Variants in GPC5 observed in about 807,000 individuals in gnomAD.
GPC5 encodes glypican-5.
A neutral mutation model predicts 53.9 loss-of-function variants in GPC5; 47 were observed. The observed-to-expected ratio is 0.87, with a 90% CI of 0.69 to 1.11. The LOEUF (loss-of-function observed/expected upper bound fraction) is 1.11. Ranked by LOEUF, GPC5 falls within the 50% of genes most tolerant of loss-of-function variation. GPC5 has a pLI of 0.00. For missense variants in GPC5, 748 were observed against 713.1 expected (o/e 1.05, Z -0.56); for synonymous variants, 286 against 263.3 (o/e 1.09, Z -0.84).
At chr13:92,487,395 C>A (rs1879594629) in intron 7 of GPC5, among the ~76,000 whole-genome samples, 1 of 152,108 alleles carries the variant, frequency 6.6e-6, no homozygotes, top group Non-Finnish European at 1.5e-5. Flanking sequence ...AACCAGGAGA[C>A]TATTGCTGTT....
intron 2 of GPC5, among the ~76,000 whole-genome samples, chr13:91,483,962 C>T (rs1294379985): frequency 6.6e-6 from 1 of 152,134 alleles, no homozygotes; most frequent in East Asian, 1.9e-4. Context: ...CCTGAACTTT[C>T]AATTTATCAT....
chr13:92,755,750 G>A (rs1248316204), intron 7 of GPC5, among the ~76,000 whole-genome samples: 3 of 133,934 alleles, frequency 2.2e-5, no homozygotes, highest in Admixed American at 7.9e-5. Context: ...TAAATTCCTC[G>A]ACACATACAC....
chr13:92,694,836 T>G (rs1457562703), intron 7 of GPC5, among the ~76,000 whole-genome samples: 2 of 152,176 alleles, frequency 1.3e-5, no homozygotes, highest in East Asian at 3.9e-4. Flanking sequence ...GGCAGAATGA[T>G]ATGGTTTGGC....
At chr13:91,809,379 G>GT (rs1566276179) in intron 5 of GPC5, among the ~76,000 whole-genome samples, 1 of 152,212 alleles carries the variant, frequency 6.6e-6, no homozygotes, top group Admixed American at 6.5e-5. Context: ...ATGATGAATA[G>GT]TTTTTTCTGA....
At chr13:92,231,995 A>T (rs768043558) in intron 7 of GPC5, among the ~76,000 whole-genome samples, 1 of 152,012 alleles carries the variant, frequency 6.6e-6, no homozygotes, top group Non-Finnish European at 1.5e-5. Flanking sequence ...AAACAAAAAC[A>T]TGGAAATTCC....
At chr13:92,643,877 TA>T (rs35575482) in intron 7 of GPC5, among the ~76,000 whole-genome samples, 1 of 131,022 alleles carries the variant, frequency 7.6e-6, no homozygotes, top group African/African-American at 2.5e-5. Context: ...TAAAGTATAA[TA>T]AAAAAAGAAC....
At position 91,693,633 on chromosome 13, in the gene GPC5, T is replaced by G; in HGVS notation, c.772T>G (p.Cys258Gly). 2 of 1,614,122 alleles carry G rather than the reference T, an allele frequency of 1.2e-6. No individual in the cohort carries two copies. Among genetic ancestry groups the G allele is most frequent in the Non-Finnish European group, 1.7e-6 (2 of 1,179,986 alleles). ...CSRALLKMQY[C>G]PHCQGLALTK... ...CAGAGCCCTCCTGAAGATGCAATAC[T>G]GCCCGCACTGCCAAGGCCTGGCGCT... The change falls in exon 3 of 8, where the codon TGC becomes GGC. Residue 258 changes from cysteine to glycine, a missense_variant. Transcript: ENST00000377067.
intron 7 of GPC5, among the ~76,000 whole-genome samples, chr13:92,616,931 A>T (rs568689784): frequency 6.6e-6 from 1 of 152,340 alleles, no homozygotes; most frequent in Non-Finnish European, 1.5e-5. Context: ...TCATAAAAAT[A>T]AGGAAAAAAT....
At chr13:91,771,915 C>G (rs1384351634) in intron 5 of GPC5, among the ~76,000 whole-genome samples, 1 of 152,116 alleles carries the variant, frequency 6.6e-6, no homozygotes, top group East Asian at 1.9e-4. Flanking sequence ...TTCAATAGTT[C>G]TTCAATGTCA....
In GPC5 at chr13:91,819,372, G is replaced by C. The variant is rs1209139535; in HGVS notation, c.1280+62952G>C. Among the ~76,000 whole-genome samples the C allele has an allele frequency of 2.0e-5, 3 of 151,676 alleles. No individual in the cohort carries two copies. In the East Asian group the frequency reaches 5.8e-4, roughly 29 times the overall value. ...GACCGGGTTTCACCATGTTGACCAG[G>C]CTGGTCTCAAACTCCTGACCTCGTG... On this transcript the variant is annotated intron_variant, in intron 5 of 7. Coordinates refer to ENST00000377067, the MANE Select transcript of GPC5 (RefSeq NM_004466.6).
intron 7 of GPC5, among the ~76,000 whole-genome samples, chr13:92,165,890 C>A (rs554634238): frequency 1.3e-5 from 2 of 152,258 alleles, no homozygotes; most frequent in Admixed American, 6.5e-5. Context: ...GCATTGAATT[C>A]TTTGCCCTGG....
At chr13:92,757,728 A>G (rs932199577) in intron 7 of GPC5, among the ~76,000 whole-genome samples, 1 of 152,254 alleles carries the variant, frequency 6.6e-6, no homozygotes, top group Non-Finnish European at 1.5e-5. Context: ...GACACATGAA[A>G]AAATGCTCAT....
At chr13:91,841,440 A>G (rs1439739318) in intron 5 of GPC5, among the ~76,000 whole-genome samples, 2 of 151,264 alleles carry the variant, frequency 1.3e-5, no homozygotes, top group Non-Finnish European at 2.9e-5. Context: ...GTTACGTTTA[A>G]GAGAGTGCTT....
chr13:92,508,283 T>A (rs1880445655), intron 7 of GPC5, among the ~76,000 whole-genome samples: 1 of 152,182 alleles, frequency 6.6e-6, no homozygotes, highest in Admixed American at 6.5e-5. Flanking sequence ...GTTAACTCAA[T>A]AAATTAGCAT....
chr13:92,390,087 G>A (rs1168774718), intron 7 of GPC5, among the ~76,000 whole-genome samples: 1 of 152,034 alleles, frequency 6.6e-6, no homozygotes, highest in Non-Finnish European at 1.5e-5. Context: ...AATGACCATA[G>A]GTGGTCAAGA....
chr13:92,513,823 G>A (rs948182763), intron 7 of GPC5, among the ~76,000 whole-genome samples: 5 of 152,056 alleles, frequency 3.3e-5, no homozygotes, highest in Non-Finnish European at 5.9e-5. Context: ...CATATTTTTA[G>A]TAATTTTGTT....
intron 7 of GPC5, among the ~76,000 whole-genome samples, chr13:92,757,303 T>G (rs1874926964): frequency 6.6e-6 from 1 of 152,190 alleles, no homozygotes; most frequent in African/African-American, 2.4e-5. Context: ...ACTGGATCCC[T>G]TCCTTACACC....
At chr13:92,173,252 T>A (rs549789169) in intron 7 of GPC5, among the ~76,000 whole-genome samples, 1 of 152,100 alleles carries the variant, frequency 6.6e-6, no homozygotes, top group Admixed American at 6.5e-5. Flanking sequence ...CTCACCTAGG[T>A]CATTAAATTT....
intron 7 of GPC5, among the ~76,000 whole-genome samples, chr13:92,741,313 A>T (rs1247006679): frequency 6.6e-6 from 1 of 151,816 alleles, no homozygotes; most frequent in Non-Finnish European, 1.5e-5. Flanking sequence ...AAGTCAAGGA[A>T]GAGAGAATTG....
Sources: gnomAD v4.1 joint callset for allele counts (sites outside exome capture counted in the v4.1 genomes callset) on GRCh38, gnomAD v4.1.1 for gene constraint, MANE v1.5 for transcripts, NCBI Gene and HGNC (gene_info 2026-07-23, HGNC 2026-07-21) for gene names.